The following LST1 variants were observed in gnomAD, a reference collection of about 807,000 sequenced individuals.
LST1 encodes the protein leukocyte-specific transcript 1 protein.
A neutral mutation model predicts 8.5 loss-of-function variants in LST1; 9 were observed. The observed-to-expected ratio is 1.06, with a 90% CI of 0.64 to 1.85. The LOEUF (loss-of-function observed/expected upper bound fraction) is 1.85, where lower values mean the gene tolerates loss of function less well. Among genes scored for constraint, LST1 ranks in the 40% most tolerant of loss-of-function variants. The pLI, the probability that LST1 is intolerant of heterozygous loss-of-function variation, is 0.00. For synonymous variants in LST1, 53 were observed against 50.4 expected (o/e 1.05, Z -0.21); for missense variants, 121 against 117.1 (o/e 1.03, Z -0.16).
intron 4 of LST1, 165 bp downstream of exon 4, chr6:31,588,131 A>T: frequency 1.5e-6 from 1 of 668,162 alleles, no homozygotes. Context: ...AGAAAGAGAA[A>T]ATGAGACAGA....
At position 31,588,813 on chromosome 6, in the gene LST1, AT is replaced by A. The variant is rs1280797272; in HGVS notation, c.*138del. 2 of 1,026,300 alleles carry A rather than the reference AT, an allele frequency of 1.9e-6. No homozygotes were observed. The highest frequency in any genetic ancestry group is 3.2e-5 in the African/African-American group (2 of 62,458). The allele number at this position is 1,026,300 out of a possible 1,614,324, so 63.6% of individuals were successfully genotyped here. A position where few individuals can be genotyped will look rare whatever the true frequency, so the allele number is the denominator to read the frequency against. On this transcript the variant is annotated 3_prime_UTR_variant, in exon 5 of 5. Transcript: ENST00000438075. ...CGAGCCTCCGTTCAAATTGATCATCATCAAAACTTATGTGGCTTTTTGACCT... is the reference window on the plus strand; with the variant it reads ...CGAGCCTCCGTTCAAATTGATCATCACAAAACTTATGTGGCTTTTTGACCT...
At chr6:31,587,030 A>C in intron 1 of LST1, 170 bp from the exon 2 acceptor site, 1 of 576,438 alleles carries the variant, frequency 1.7e-6, no homozygotes, top group Non-Finnish European at 3.1e-6. Flanking sequence ...TGGGTGACCT[A>C]GTAAAGTCCA....
At chr6:31,588,307 G>A (rs1423202570) in intron 4 of LST1, 5 of 632,906 alleles carry the variant, frequency 7.9e-6, no homozygotes, top group Non-Finnish European at 1.4e-5. Context: ...GAGGCAGGAA[G>A]ATAGCTTGAG....
chr6:31,588,878 TAAA>T lies in LST1; in HGVS notation c.*208_*210del. 1 of 882,202 alleles carries T rather than the reference TAAA, an allele frequency of 1.1e-6. No homozygotes were observed. Among genetic ancestry groups the T allele is most frequent in the South Asian group, 1.9e-5 (1 of 52,984 alleles). 54.6% of individuals were successfully genotyped at this position (882,202 alleles called of 1,614,324 possible). A position where few individuals can be genotyped will look rare whatever the true frequency, so the allele number is the denominator to read the frequency against. On this transcript the variant is annotated 3_prime_UTR_variant, in exon 5 of 5. Transcript: ENST00000438075. ...TTTTTAAATTTTTTAAAAATTAAAATAAAAAAAACACATGGCTCACCCTTCCAC... is the reference window on the plus strand; with the variant it reads ...TTTTTAAATTTTTTAAAAATTAAAATAAAAACACATGGCTCACCCTTCCAC...
At position 31,588,586 on chromosome 6, in the gene LST1, G is replaced by T; in HGVS notation, c.204G>T (p.Glu68Asp). ...AGAGGCTGCCAGTGCCCAGCAGTGA[G>T]GGACCTGACCTCAGGGGCAGAGACA... Reference protein sequence around the residue: ...SLQRLPVPSSEGPDLRGRDKR... With the variant: ...SLQRLPVPSSDGPDLRGRDKR... The change falls in exon 5 of 5, where the codon GAG becomes GAT. Residue 68 changes from glutamate (E) to aspartate (D), a missense_variant. Glu to Asp is a conservative substitution (Grantham distance 45). Coordinates refer to ENST00000438075, the MANE Select transcript of LST1 (RefSeq NM_205839.3). 1 of 1,613,022 alleles carries T rather than the reference G, an allele frequency of 6.2e-7. No individual in the cohort carries two copies. Among genetic ancestry groups the T allele is most frequent in the Non-Finnish European group, 8.5e-7 (1 of 1,179,966 alleles).
chr6:31,588,182 G>A (rs1051427055), intron 4 of LST1: 2 of 571,690 alleles, frequency 3.5e-6, no homozygotes, highest in Non-Finnish European at 6.1e-6. Flanking sequence ...GAGAGACAGG[G>A]AGAAAATGAG....
At chr6:31,586,708 C>T (rs910394634) in intron 1 of LST1, 1 of 153,588 alleles carries the variant, frequency 6.5e-6, no homozygotes, top group Non-Finnish European at 1.5e-5. Context: ...CACTTCAGCC[C>T]TAGCAGCATC....
chr6:31,588,429 A>AGAGAGAG, intron 4 of LST1, 89 bp from the exon 5 acceptor site: 1 of 1,357,198 alleles, frequency 7.4e-7, no homozygotes, highest in East Asian at 2.5e-5. Flanking sequence ...AGAGGGAGAG[A>AGAGAGAG]AGTAAGAAAG....
intron 2 of LST1, 37 bp downstream of exon 2, chr6:31,587,355 T>A (rs1772035145): frequency 6.2e-7 from 1 of 1,609,826 alleles, no homozygotes; most frequent in South Asian, 1.1e-5. Flanking sequence ...ATAGAGAGAG[T>A]CCTGGGAGCT....
Position 31,588,086 on chromosome 6 carries a change from G to C in LST1, c.135+120G>C, listed in dbSNP as rs921679032. On this transcript the variant is annotated intron_variant, in intron 4 of 4. Coordinates refer to ENST00000438075, the MANE Select transcript of LST1 (RefSeq NM_205839.3). ...CGGGAGACAAGGAGAGAGAAAGTAG[G>C]AGCATGAGAGAGGCAGAGAAAATCG... 7 of 1,008,854 alleles carry C rather than the reference G, an allele frequency of 6.9e-6. No homozygotes were observed. The African/African-American group carries it at 1.1e-4, about 16-fold the overall frequency. The allele number at this position is 1,008,854 out of a possible 1,614,324, so 62.5% of individuals were successfully genotyped here.
intron 4 of LST1, 115 bp from the exon 5 acceptor site, chr6:31,588,403 G>A (rs28521666): frequency 0.15 from 70,744 of 481,148 alleles, 1,852 homozygotes; most frequent in African/African-American, 0.28. Flanking sequence ...AGAGAGAGAG[G>A]GAGAGAGAGA....
intron 2 of LST1, 89 bp from the exon 3 acceptor site, chr6:31,587,552 G>A: frequency 2.3e-6 from 2 of 862,696 alleles, no homozygotes; most frequent in Non-Finnish European, 3.6e-6. Context: ...CTGTTGGAGA[G>A]GGAATCTGAG....
At chr6:31,587,756 C>A (rs776490368) in intron 3 of LST1, 23 bp downstream of exon 3, 3 of 1,531,716 alleles carry the variant, frequency 2.0e-6, no homozygotes, top group Non-Finnish European at 2.7e-6. Flanking sequence ...CTCCCTCCCT[C>A]CCCCTGCAGC....
In LST1 at chr6:31,588,860, A is replaced by T. The variant is rs1583083578; in HGVS notation, c.*184A>T. ...GACCTTTGAATAGGGAATTTTTTAAATTTTTTAAAAATTAAAATAAAAAAA... is the reference window on the plus strand; with the variant it reads ...GACCTTTGAATAGGGAATTTTTTAATTTTTTTAAAAATTAAAATAAAAAAA... On this transcript the variant is annotated 3_prime_UTR_variant, in exon 5 of 5. Transcript: ENST00000438075. The T allele has an allele frequency of 5.6e-6, 5 of 894,428 alleles. No individual in the cohort carries two copies. The highest frequency in any genetic ancestry group is 5.4e-5 in the East Asian group (2 of 37,346). The allele number at this position is 894,428 out of a possible 1,614,324, so 55.4% of individuals were successfully genotyped here.
chr6:31,588,003 G>C, intron 4 of LST1, 37 bp downstream of exon 4: 1 of 1,582,694 alleles, frequency 6.3e-7, no homozygotes, highest in East Asian at 2.2e-5. Flanking sequence ...GGGCAAGAGA[G>C]ATCCTGAGTG....
chr6:31,587,360 G>A, intron 2 of LST1, 42 bp downstream of exon 2: 1 of 1,608,716 alleles, frequency 6.2e-7, no homozygotes, highest in Non-Finnish European at 8.5e-7. Flanking sequence ...GAGAGTCCTG[G>A]GAGCTTAGGA....
rs1304368858 is a variant in LST1 at position 31,587,656 on chromosome 6, G to T, written c.35G>T (p.Gly12Val). Residue 12 changes from glycine to valine, a missense_variant, in exon 3 of 5, where the codon GGG (glycine) becomes GTG (valine). Coordinates refer to ENST00000438075, the MANE Select transcript of LST1 (RefSeq NM_205839.3). ...LSRNDDICIY[G>V]GLGLGGLLLL... ...TTCCCTGAAGATATATGTATCTACGGGGGCCTGGGGCTGGGCGGGCTCCTG... is the reference window on the plus strand; with the variant it reads ...TTCCCTGAAGATATATGTATCTACGTGGGCCTGGGGCTGGGCGGGCTCCTG... 6.2e-7 allele frequency: 1 copy of T among 1,602,730 alleles called. No individual in the cohort carries two copies. Among genetic ancestry groups the T allele is most frequent in the Non-Finnish European group, 8.5e-7 (1 of 1,175,176 alleles).
In LST1 at chr6:31,587,971, G is replaced by A; in HGVS notation, c.135+5G>A. On this transcript the variant is annotated splice_donor_5th_base_variant and intron_variant, in intron 4 of 4. Coordinates refer to ENST00000438075, the MANE Select transcript of LST1 (RefSeq NM_205839.3). Reference sequence around the variant, plus strand: ...AAGAGGCTGGAGAGGAGCTGGGTGAGTCTGGGGACAGGGAAGGGGGAGGGC... The same window carrying A: ...AAGAGGCTGGAGAGGAGCTGGGTGAATCTGGGGACAGGGAAGGGGGAGGGC... 1 of 1,608,708 alleles carries A rather than the reference G, an allele frequency of 6.2e-7. No homozygotes were observed. Among genetic ancestry groups the A allele is most frequent in the Non-Finnish European group, 8.5e-7 (1 of 1,177,638 alleles).
At chr6:31,587,021 G>A (rs1771992761) in intron 1 of LST1, 179 bp from the exon 2 acceptor site, 4 of 569,580 alleles carry the variant, frequency 7.0e-6, no homozygotes, top group African/African-American at 3.8e-5. Flanking sequence ...TTTCTGGGAT[G>A]GGTGACCTAG....
Sources: allele counts gnomAD v4.1 joint callset, GRCh38; gene constraint gnomAD v4.1.1; transcripts MANE v1.5; gene names NCBI Gene and HGNC (gene_info 2026-07-23, HGNC 2026-07-21).